Variants in INPP4B observed in about 807,000 individuals in gnomAD.
INPP4B encodes the protein inositol polyphosphate-4-phosphatase type II B.
Under a neutral mutation model 122.5 loss-of-function variants are expected in INPP4B, and 55 were observed. The observed-to-expected ratio is 0.45, with a 90% CI of 0.36 to 0.56. The LOEUF (loss-of-function observed/expected upper bound fraction) is 0.56. INPP4B is among the 20% of genes least tolerant of loss of function. The pLI, the probability that INPP4B is intolerant of heterozygous loss-of-function variation, is 0.00. For missense variants in INPP4B, 1,000 were observed against 1,097.7 expected (o/e 0.91, Z 1.26); for synonymous variants, 403 against 388.7 (o/e 1.04, Z -0.43).
chr4:142,212,011 T>A (rs781481259), intron 12 of INPP4B, among the ~76,000 whole-genome samples: 122 of 152,096 alleles, frequency 8.0e-4, no homozygotes, highest in Non-Finnish European at 1.7e-3. Context: ...GAGCAAGTGG[T>A]CAAAAATGTG....
At chr4:142,656,702 G>T (rs1469273394) in intron 2 of INPP4B, among the ~76,000 whole-genome samples, 4 of 152,168 alleles carry the variant, frequency 2.6e-5, no homozygotes, top group Non-Finnish European at 5.9e-5. Flanking sequence ...GGAACCATTT[G>T]CACAAGAATA....
intron 2 of INPP4B, among the ~76,000 whole-genome samples, chr4:142,637,725 T>G (rs1025694660): frequency 6.6e-6 from 1 of 152,240 alleles, no homozygotes; most frequent in Non-Finnish European, 1.5e-5. Context: ...AGGAGCATGA[T>G]AGCTGGATCT....
At chr4:142,061,819 ATG>A (rs201239151) in intron 25 of INPP4B, among the ~76,000 whole-genome samples, 3,595 of 148,406 alleles carry the variant, frequency 0.024, 185 homozygotes, top group African/African-American at 0.087. Context: ...AAAATATAAA[ATG>A]TCATATATAA....
chr4:142,294,837 A>AAAAAAAAAAAAAAAAC (rs1757939584), intron 9 of INPP4B, among the ~76,000 whole-genome samples: 1 of 142,690 alleles, frequency 7.0e-6, no homozygotes, highest in Non-Finnish European at 1.5e-5. Context: ...CTCAAAAAAA[A>AAAAAAAAAAAAAAAAC]AAAAAAAAAA....
chr4:142,199,159 C>T (rs567984706), intron 14 of INPP4B, among the ~76,000 whole-genome samples: 5 of 151,856 alleles, frequency 3.3e-5, no homozygotes, highest in East Asian at 1.9e-4. Context: ...TTTCTCCAAA[C>T]GGAAATCATT....
At chr4:142,587,236 C>T (rs775490425) in intron 2 of INPP4B, among the ~76,000 whole-genome samples, 25 of 152,016 alleles carry the variant, frequency 1.6e-4, no homozygotes, top group Non-Finnish European at 3.4e-4. Flanking sequence ...GAAGATAACA[C>T]CCCATCCATT....
At chr4:142,551,690 G>C (rs1285136079) in intron 2 of INPP4B, among the ~76,000 whole-genome samples, 1 of 152,176 alleles carries the variant, frequency 6.6e-6, no homozygotes, top group African/African-American at 2.4e-5. Context: ...ACTGTAGCAG[G>C]ATGCTAGACT....
In INPP4B at chr4:142,173,617, T is replaced by A. The variant is rs369446673; in HGVS notation, c.1359+15A>T. On this transcript the variant is annotated intron_variant, in intron 16 of 25. Transcript: ENST00000262992. ...TATTTCATTTTCCCAACTATAGTGATGATTTGGATCTTACTTTTTCTGAAA... is the reference window on the plus strand; with the variant it reads ...TATTTCATTTTCCCAACTATAGTGAAGATTTGGATCTTACTTTTTCTGAAA... 99 of 1,605,282 alleles carry A rather than the reference T, an allele frequency of 6.2e-5. No homozygotes were observed. The highest frequency in any genetic ancestry group is 7.8e-5 in the Non-Finnish European group (91 of 1,174,030).
intron 1 of INPP4B, among the ~76,000 whole-genome samples, chr4:142,838,649 C>A (rs1783115102): frequency 6.6e-6 from 1 of 152,052 alleles, no homozygotes; most frequent in South Asian, 2.1e-4. Flanking sequence ...AAAAGACACA[C>A]CATGGCATAA....
At position 142,314,725 on chromosome 4, in the gene INPP4B, G is replaced by T. The variant is rs377514187; in HGVS notation, c.410C>A (p.Pro137Gln). The change falls in exon 8 of 26, where the codon CCG becomes CAG. Residue 137 changes from proline (P) to glutamine (Q), a missense_variant. Coordinates refer to ENST00000262992, the MANE Select transcript of INPP4B (RefSeq NM_001101669.3). ...AGAAACACTTACCCCAACTTCTGGC[G>T]GGGGATCCTTATGTTCTGGTAGGAC... The part of the protein sequence containing the change: ...TSVLPEHKDP[P>Q]PEVGRSFLGY... 4 of 1,600,770 alleles carry T rather than the reference G, an allele frequency of 2.5e-6. No individual in the cohort carries two copies. The African/African-American group carries it at 5.4e-5, about 21-fold the overall frequency.
At chr4:142,686,333 A>G (rs1394574235) in intron 2 of INPP4B, among the ~76,000 whole-genome samples, 1 of 152,124 alleles carries the variant, frequency 6.6e-6, no homozygotes, top group African/African-American at 2.4e-5. Context: ...TTTGCTGCCA[A>G]TTTGAATAAG....
chr4:142,133,591 G>A (rs374888030), intron 18 of INPP4B, among the ~76,000 whole-genome samples: 3 of 152,164 alleles, frequency 2.0e-5, no homozygotes, highest in Admixed American at 2.0e-4. Context: ...CTCTCTAATT[G>A]CTCCCCATTT....
chr4:142,068,798 T>G (rs907393259), intron 25 of INPP4B, among the ~76,000 whole-genome samples: 1 of 152,164 alleles, frequency 6.6e-6, no homozygotes, highest in Non-Finnish European at 1.5e-5. Context: ...TAAATATATA[T>G]GCACCCAATA....
At chr4:142,480,436 C>A (rs2149732945) in intron 2 of INPP4B, among the ~76,000 whole-genome samples, 1 of 152,222 alleles carries the variant, frequency 6.6e-6, no homozygotes, top group African/African-American at 2.4e-5. Context: ...GGCATCCAGC[C>A]AGGAGACTAG....
At chr4:142,737,654 C>T (rs1767166836) in intron 1 of INPP4B, among the ~76,000 whole-genome samples, 1 of 152,140 alleles carries the variant, frequency 6.6e-6, no homozygotes, top group Non-Finnish European at 1.5e-5. Flanking sequence ...GCAAAAGAAA[C>T]TACCATCAGA....
At chr4:142,443,547 AC>A (rs974808843) in intron 3 of INPP4B, among the ~76,000 whole-genome samples, 1 of 152,074 alleles carries the variant, frequency 6.6e-6, no homozygotes, top group African/African-American at 2.4e-5. Flanking sequence ...AGAAAGTCCC[AC>A]CCCAAGACCC....
intron 7 of INPP4B, among the ~76,000 whole-genome samples, chr4:142,366,265 C>T (rs1298996440): frequency 6.6e-6 from 1 of 152,012 alleles, no homozygotes; most frequent in Non-Finnish European, 1.5e-5. Context: ...TAATCCACCA[C>T]CCTTTGCTGA....
Position 142,581,090 on chromosome 4 carries a change from C to G in INPP4B, c.-190-118364G>C, listed in dbSNP as rs141941854. Among the ~76,000 whole-genome samples, 498 of 152,000 alleles carry G rather than the reference C, an allele frequency of 3.3e-3. 7 individuals carry two copies. Among genetic ancestry groups the G allele is most frequent in the East Asian group, 0.018 (92 of 5,158 alleles). On this transcript the variant is annotated intron_variant, in intron 2 of 25. Coordinates refer to ENST00000262992, the MANE Select transcript of INPP4B (RefSeq NM_001101669.3). ...TCTTGAAGGGGCAAAAGAGTGCCAT[C>G]TTTTGTCATTATTTGGGGGTATAAA... is the stretch of plus-strand genomic sequence containing the variant.
At chr4:142,133,057 G>A (rs1338262694) in intron 18 of INPP4B, among the ~76,000 whole-genome samples, 1 of 152,090 alleles carries the variant, frequency 6.6e-6, no homozygotes. Context: ...CGGCTTTCAG[G>A]ATAGCATATT....
Sources: gnomAD v4.1 joint callset for allele counts (sites outside exome capture counted in the v4.1 genomes callset) on GRCh38, gnomAD v4.1.1 for gene constraint, MANE v1.5 for transcripts, NCBI Gene and HGNC (gene_info 2026-07-23, HGNC 2026-07-21) for gene names.